IHH: variants seen among roughly 807,000 people sequenced by gnomAD.
The protein encoded by IHH is Indian hedgehog signaling molecule.
IHH carries 9 observed loss-of-function variants against 29.4 expected under a neutral mutation model. The ratio of observed to expected loss-of-function variants is 0.31; its 90% CI spans 0.18 to 0.53. The LOEUF is 0.53. Ranked by LOEUF, IHH falls within the 20% of genes least tolerant of loss-of-function variation. IHH has a pLI of 0.95. For missense variants in IHH, 454 were observed against 578.1 expected, an observed-to-expected ratio of 0.79 and a Z score of 2.20; for synonymous variants, 254 against 252.7, an observed-to-expected ratio of 1.01 and a Z score of -0.05.
intron 2 of IHH, 43 bp from the exon 3 acceptor site, chr2:219,055,908 C>T (rs1429903008): frequency 1.9e-6 from 3 of 1,575,786 alleles, no homozygotes; most frequent in Non-Finnish European, 2.6e-6. Context: ...CTGTGCAGCT[C>T]AGCCTCCTGG....
Position 219,060,635 on chromosome 2 carries a change from G to A in IHH, c.-168C>T, listed in dbSNP as rs1236431446. 6.6e-6 allele frequency among the ~76,000 whole-genome samples: 1 copy of A among 151,160 alleles called. No individual in the cohort carries two copies. Among genetic ancestry groups the A allele is most frequent in the African/African-American group, 2.4e-5 (1 of 41,280 alleles). ...GCCAGGGCCGGCGGGACTCAAGTGC[G>A]GGGCGGGGGCCCAGGGCCCGAGCTG... On this transcript the variant is annotated 5_prime_UTR_variant, in exon 1 of 3. Transcript: ENST00000295731. The surrounding 1 kb of genome is among the most constrained non-coding windows in gnomAD (Gnocchi z 8.8).
At position 219,054,972 on chromosome 2, in the gene IHH, AGG is replaced by A; in HGVS notation, c.*233_*234del. 6.9e-6 allele frequency: 4 copies of A among 579,926 alleles called. No individual in the cohort carries two copies. The South Asian group carries it at 8.2e-5, about 12-fold the overall frequency. 35.9% of individuals were successfully genotyped at this position (579,926 alleles called of 1,614,324 possible). The stretch of plus-strand genomic sequence containing the variant: ...GCCAGCCTCAAGGTCTCTAGGAGAG[AGG>A]GGTCAACAACCATCCCCTCGCCAGC... On this transcript the variant is annotated 3_prime_UTR_variant, in exon 3 of 3. Transcript: ENST00000295731.
rs958116454 is a variant in IHH, at chr2:219,059,574, G to A, written c.315+579C>T. Among the ~76,000 whole-genome samples the A allele has an allele frequency of 3.9e-5, 6 of 152,022 alleles. No homozygotes were observed. The highest frequency in any genetic ancestry group is 1.2e-4 in the African/African-American group (5 of 41,384). The stretch of plus-strand genomic sequence containing the variant: ...TCCGGACAGACACGTGGGCTCGCTG[G>A]GCAGGTTCCTTTTCCCACCTCCGCC... On this transcript the variant is annotated intron_variant, in intron 1 of 2. Coordinates refer to ENST00000295731, the MANE Select transcript of IHH (RefSeq NM_002181.4). The surrounding 1 kb of genome is among the most constrained non-coding windows in gnomAD (Gnocchi z 4.7).
intron 1 of IHH, among the ~76,000 whole-genome samples, chr2:219,058,456 G>A (rs1948850255): frequency 6.6e-6 from 1 of 152,164 alleles, no homozygotes; most frequent in African/African-American, 2.4e-5. Flanking sequence ...GGCGCAAAAG[G>A]GGCTGACAAT....
At chr2:219,056,527 G>T (rs1948833962) in intron 2 of IHH, among the ~76,000 whole-genome samples, 1 of 152,232 alleles carries the variant, frequency 6.6e-6, no homozygotes, top group South Asian at 2.1e-4. Flanking sequence ...GTCAATGTTT[G>T]CAGTGAAGGG....
At position 219,054,614 on chromosome 2, in the gene IHH, C is replaced by A. The variant is rs1487125044; in HGVS notation, c.*593G>T. On this transcript the variant is annotated 3_prime_UTR_variant, in exon 3 of 3. Transcript: ENST00000295731. ...GGTGGCAAGCACATCCAACCCACCTCCCCCAGTCCCCGGCACTACGGTCAC... is the reference window on the plus strand; with the variant it reads ...GGTGGCAAGCACATCCAACCCACCTACCCCAGTCCCCGGCACTACGGTCAC... 2 of 153,096 alleles carry A rather than the reference C, an allele frequency of 1.3e-5. No individual in the cohort carries two copies. Among genetic ancestry groups the A allele is most frequent in the Non-Finnish European group, 1.5e-5 (1 of 68,510 alleles). 9.5% of individuals were successfully genotyped at this position (153,096 alleles called of 1,614,324 possible).
At position 219,057,292 on chromosome 2, in the gene IHH, C is replaced by T; in HGVS notation, c.577+141G>A. The T allele has an allele frequency of 4.1e-6, 4 of 974,120 alleles. No individual in the cohort carries two copies. The South Asian group carries it at 5.8e-5, about 14-fold the overall frequency. 60.3% of individuals were successfully genotyped at this position (974,120 alleles called of 1,614,324 possible). On this transcript the variant is annotated intron_variant, in intron 2 of 2. Coordinates refer to ENST00000295731, the MANE Select transcript of IHH (RefSeq NM_002181.4). ...AGCAGGCAGTCACGGTCAGGAGCAGCCTTGGAGAGCGCCGCTGATGTCCTC... is the reference window on the plus strand; with the variant it reads ...AGCAGGCAGTCACGGTCAGGAGCAGTCTTGGAGAGCGCCGCTGATGTCCTC...
chr2:219,060,140 G>T lies in IHH; in HGVS notation c.315+13C>A, dbSNP rs371551655. ...TTCGGTGGCGGCGCGCTGGTAGGGC[G>T]GATCGCGCTCACCTGGGTCATGAGG... On this transcript the variant is annotated intron_variant, in intron 1 of 2. Transcript: ENST00000295731. The surrounding 1 kb of genome is among the most constrained non-coding windows in gnomAD (Gnocchi z 8.8). 1.7e-5 allele frequency: 27 copies of T among 1,597,486 alleles called. No homozygotes were observed. In the South Asian group the frequency reaches 2.8e-4, roughly 16 times the overall value.
Position 219,060,085 on chromosome 2 carries a change from G to T in IHH, c.315+68C>A. 7.4e-7 allele frequency: 1 copy of T among 1,360,366 alleles called. No individual in the cohort carries two copies. The highest frequency in any genetic ancestry group is 1.8e-4 in the Middle Eastern group (1 of 5,476). The allele number at this position is 1,360,366 out of a possible 1,614,324, so 84.3% of individuals were successfully genotyped here. ...CAGCCAGTCGAGAAAATGTGCCAGG[G>T]GGTGGGTAGGGCCGGGCAGGTGGCC... On this transcript the variant is annotated intron_variant, in intron 1 of 2. Transcript: ENST00000295731. The surrounding 1 kb of genome is among the most constrained non-coding windows in gnomAD (Gnocchi z 8.8).
Position 219,054,713 on chromosome 2 carries a change from A to G in IHH, c.*494T>C, listed in dbSNP as rs1194574754. ...TGTGTCTTGAGGAGTGTGGCCGGGG[A>G]GGAATGTCATACCTCAGAATGGCCG... On this transcript the variant is annotated 3_prime_UTR_variant, in exon 3 of 3. Transcript: ENST00000295731. 1 of 170,926 alleles carries G rather than the reference A, an allele frequency of 5.9e-6. No homozygotes were observed. Among genetic ancestry groups the G allele is most frequent in the East Asian group, 1.7e-4 (1 of 5,832 alleles). The allele number at this position is 170,926 out of a possible 1,614,324, so 10.6% of individuals were successfully genotyped here.
Position 219,055,325 on chromosome 2 carries a change from C to T in IHH, c.1118G>A (p.Gly373Asp), listed in dbSNP as rs764058706. ...CACACCCTCCCCCGGAGTCCAGCTGCCCCATGCCAAGCTGTGAAAGAGTCT... is the reference window on the plus strand; with the variant it reads ...CACACCCTCCCCCGGAGTCCAGCTGTCCCATGCCAAGCTGTGAAAGAGTCT... ...PLRLFHSLAW[G>D]SWTPGEGVHW... Residue 373 changes from glycine (G) to aspartate (D), a missense_variant, in exon 3 of 3, where the codon GGC becomes GAC. Gly to Asp is a moderately conservative substitution (Grantham distance 94). Transcript: ENST00000295731. 6 of 1,613,196 alleles carry T rather than the reference C, an allele frequency of 3.7e-6. No homozygotes were observed. The Admixed American group carries it at 8.3e-5, about 22-fold the overall frequency.
At chr2:219,056,156 C>T (rs1948828987) in intron 2 of IHH, among the ~76,000 whole-genome samples, 2 of 152,222 alleles carry the variant, frequency 1.3e-5, no homozygotes, top group African/African-American at 4.8e-5. Context: ...GAAAGGGCTA[C>T]CTCATGGAAG....
At position 219,060,395 on chromosome 2, in the gene IHH, C is replaced by A. The variant is rs1042787562; in HGVS notation, c.73G>T (p.Ala25Ser). The change falls in exon 1 of 3, where the codon GCA becomes TCA. Residue 25 changes from alanine to serine, a missense_variant. By Grantham distance (99) the Ala-to-Ser change is moderately conservative. Transcript: ENST00000295731. This position sits in a 1 kb window ranked among gnomAD's most constrained non-coding sequence, Gnocchi z 8.8. ...VLLLLLVVPAAWGCGPGRVVG... is the reference protein window; with the variant it reads ...VLLLLLVVPASWGCGPGRVVG... Reference sequence around the variant, plus strand: ...ACCCGACCCGGCCCGCAGCCCCATGCCGCCGGCACCACCAGCAGCAGCAAC... The same window carrying A: ...ACCCGACCCGGCCCGCAGCCCCATGACGCCGGCACCACCAGCAGCAGCAAC... 3 of 1,600,136 alleles carry A rather than the reference C, an allele frequency of 1.9e-6. No homozygotes were observed. In the Admixed American group the frequency reaches 5.0e-5, roughly 27 times the overall value.
At chr2:219,058,490 C>T (rs1283256804) in intron 1 of IHH, among the ~76,000 whole-genome samples, 2 of 152,196 alleles carry the variant, frequency 1.3e-5, no homozygotes, top group Admixed American at 1.3e-4. Context: ...GACCTCTGCA[C>T]CGGTGCCCCG....
At position 219,054,994 on chromosome 2, in the gene IHH, G is replaced by A. The variant is rs1003215585; in HGVS notation, c.*213C>T. 1.6e-6 allele frequency: 1 copy of A among 606,302 alleles called. No homozygotes were observed. Among genetic ancestry groups the A allele is most frequent in the Non-Finnish European group, 2.9e-6 (1 of 342,736 alleles). The allele number at this position is 606,302 out of a possible 1,614,324, so 37.6% of individuals were successfully genotyped here. ...GAGAGGGGTCAACAACCATCCCCTC[G>A]CCAGCTCAGCTTGCAGCTCTATGAC... On this transcript the variant is annotated 3_prime_UTR_variant, in exon 3 of 3. Transcript: ENST00000295731.
Position 219,060,510 on chromosome 2 carries a change from G to A in IHH, c.-43C>T. 4.5e-6 allele frequency: 6 copies of A among 1,346,116 alleles called. No individual in the cohort carries two copies. Among genetic ancestry groups the A allele is most frequent in the Non-Finnish European group, 5.8e-6 (6 of 1,041,590 alleles). The allele number at this position is 1,346,116 out of a possible 1,614,324, so 83.4% of individuals were successfully genotyped here. A position where few individuals can be genotyped will look rare whatever the true frequency, so the allele number is the denominator to read the frequency against. On this transcript the variant is annotated 5_prime_UTR_variant, in exon 1 of 3. Transcript: ENST00000295731. This position sits in a 1 kb window ranked among gnomAD's most constrained non-coding sequence, Gnocchi z 8.8. ...GAGCGGCGGGCGAGGTCTCCTGGTG[G>A]GCTGATGGGCAGGCGCGTCGACGGG...
In IHH at chr2:219,057,488, G is replaced by T; in HGVS notation, c.522C>A (p.Gly174=). The change falls in exon 2 of 3, where the codon GGC becomes GGA. Residue 174 remains glycine (G), a synonymous_variant. Transcript: ENST00000295731. Reference sequence around the variant, plus strand: ...TTGACTCGTAATACACCCAGTCAAAGCCGGCCTCCACTGCCAAGCGCGCCA... The same window carrying T: ...TTGACTCGTAATACACCCAGTCAAATCCGGCCTCCACTGCCAAGCGCGCCA... The part of the protein sequence containing the change: ...GLLARLAVEA[G]FDWVYYESKA... 1 of 1,611,772 alleles carries T rather than the reference G, an allele frequency of 6.2e-7. No individual in the cohort carries two copies. Among genetic ancestry groups the T allele is most frequent in the Non-Finnish European group, 8.5e-7 (1 of 1,179,112 alleles).
intron 1 of IHH, chr2:219,058,619 G>A (rs1334309476): frequency 6.5e-6 from 1 of 154,976 alleles, no homozygotes; most frequent in Non-Finnish European, 1.5e-5. Context: ...GACCGAAGCG[G>A]TCATCCTTGG....
At position 219,054,713 on chromosome 2, in the gene IHH, A is replaced by C; in HGVS notation, c.*494T>G. ...TGTGTCTTGAGGAGTGTGGCCGGGG[A>C]GGAATGTCATACCTCAGAATGGCCG... On this transcript the variant is annotated 3_prime_UTR_variant, in exon 3 of 3. Transcript: ENST00000295731. The C allele has an allele frequency of 5.9e-6, 1 of 170,926 alleles. No individual in the cohort carries two copies. Among genetic ancestry groups the C allele is most frequent in the Non-Finnish European group, 1.3e-5 (1 of 79,312 alleles). 10.6% of individuals were successfully genotyped at this position (170,926 alleles called of 1,614,324 possible).
Sources: allele counts gnomAD v4.1 joint callset (sites outside exome capture counted in the v4.1 genomes callset), GRCh38; gene constraint gnomAD v4.1.1; non-coding constraint Gnocchi (gnomAD v3.1); transcripts MANE v1.5; gene names NCBI Gene and HGNC (gene_info 2026-07-23, HGNC 2026-07-21).